The following PPFIA2 variants were observed in gnomAD, a reference collection of about 807,000 sequenced individuals.
The protein encoded by PPFIA2 is PPFI scaffold protein A2.
Under a neutral mutation model 175.5 loss-of-function variants are expected in PPFIA2, and 46 were observed. The observed-to-expected ratio is 0.26, with a 90% CI of 0.21 to 0.34. The LOEUF (loss-of-function observed/expected upper bound fraction) is 0.34, where lower values mean the gene tolerates loss of function less well. PPFIA2 is among the 10% of genes least tolerant of loss of function. The pLI, the probability that PPFIA2 is intolerant of heterozygous loss-of-function variation, is 1.00. For synonymous variants in PPFIA2, 568 were observed against 511.4 expected (o/e 1.11, Z -1.49); for missense variants, 1,179 against 1,506.1 (o/e 0.78, Z 3.60).
chr12:81,481,462 G>T (rs2058211779), intron 4 of PPFIA2, among the ~76,000 whole-genome samples: 2 of 151,942 alleles, frequency 1.3e-5, no homozygotes, highest in Non-Finnish European at 2.9e-5. Context: ...GAACAAAGCT[G>T]GACACATCAT....
chr12:81,615,930 G>A (rs965525078), intron 4 of PPFIA2, among the ~76,000 whole-genome samples: 4 of 152,138 alleles, frequency 2.6e-5, no homozygotes, highest in Admixed American at 2.6e-4. Flanking sequence ...ATGTCCTTGA[G>A]TAGATGAGAA....
chr12:81,490,395 A>G (rs1593862643), intron 4 of PPFIA2, among the ~76,000 whole-genome samples: 2 of 152,038 alleles, frequency 1.3e-5, no homozygotes, highest in Admixed American at 1.3e-4. Flanking sequence ...GCAGGCTGTC[A>G]GCATCATGTT....
chr12:81,278,344 C>A (rs975769566), intron 27 of PPFIA2, among the ~76,000 whole-genome samples: 8 of 151,910 alleles, frequency 5.3e-5, no homozygotes, highest in Admixed American at 2.6e-4. Context: ...AGTTCGAGAC[C>A]AGCTTGGTCA....
At chr12:81,493,149 T>C (rs1348613894) in intron 4 of PPFIA2, among the ~76,000 whole-genome samples, 1 of 152,082 alleles carries the variant, frequency 6.6e-6, no homozygotes, top group Non-Finnish European at 1.5e-5. Context: ...ATGCGTTAAA[T>C]TGAGATGTCA....
intron 14 of PPFIA2, among the ~76,000 whole-genome samples, chr12:81,363,170 C>T (rs1481623707): frequency 6.6e-6 from 1 of 151,230 alleles, no homozygotes; most frequent in East Asian, 2.0e-4. Context: ...GGTTAAAGGA[C>T]ATATGGGTGA....
chr12:81,328,361 GTGCC>G (rs1206706078), intron 21 of PPFIA2, among the ~76,000 whole-genome samples: 1 of 152,168 alleles, frequency 6.6e-6, no homozygotes, highest in Non-Finnish European at 1.5e-5. Flanking sequence ...CTCTTGAAAT[GTGCC>G]TAATTCAGAT....
chr12:81,460,072 T>C (rs1282440911), intron 4 of PPFIA2, among the ~76,000 whole-genome samples: 1 of 152,104 alleles, frequency 6.6e-6, no homozygotes, highest in Non-Finnish European at 1.5e-5. Flanking sequence ...GGTACCCTTT[T>C]TCCTTATCTG....
intron 4 of PPFIA2, among the ~76,000 whole-genome samples, chr12:81,508,590 CT>C (rs111733277): frequency 0.075 from 9,936 of 132,088 alleles, 495 homozygotes; most frequent in East Asian, 0.22. Flanking sequence ...AGTTTACTTT[CT>C]TTTTTTTTCT....
At chr12:81,743,429 A>AAAC (rs2082595614) in intron 3 of PPFIA2, among the ~76,000 whole-genome samples, 1 of 149,892 alleles carries the variant, frequency 6.7e-6, no homozygotes, top group Non-Finnish European at 1.5e-5. Context: ...AAAAAAAAAA[A>AAAC]AAAAAAAAAA....
At chr12:81,329,257 T>C (rs1594892490) in intron 21 of PPFIA2, among the ~76,000 whole-genome samples, 1 of 152,128 alleles carries the variant, frequency 6.6e-6, no homozygotes, top group African/African-American at 2.4e-5. Context: ...TGCTTGGGCT[T>C]GAAGGTTTGA....
chr12:81,411,269 G>A (rs1566707851), intron 7 of PPFIA2, among the ~76,000 whole-genome samples: 1 of 152,024 alleles, frequency 6.6e-6, no homozygotes, highest in Non-Finnish European at 1.5e-5. Context: ...GGAAAAAGTT[G>A]GAGGAATGAT....
chr12:81,512,776 A>G (rs2061953830), intron 4 of PPFIA2, among the ~76,000 whole-genome samples: 2 of 152,070 alleles, frequency 1.3e-5, no homozygotes, highest in Admixed American at 1.3e-4. Context: ...TTATAAATAA[A>G]TGAGAACAAA....
chr12:81,312,481 A>G, intron 22 of PPFIA2: 1 of 351,208 alleles, frequency 2.8e-6, no homozygotes, highest in Non-Finnish European at 5.1e-6. Context: ...GGAAATCAAG[A>G]AATCTTGGTA....
chr12:81,444,701 G>A (rs1484551949), intron 6 of PPFIA2, among the ~76,000 whole-genome samples: 1 of 151,908 alleles, frequency 6.6e-6, no homozygotes, highest in Non-Finnish European at 1.5e-5. Flanking sequence ...ATATTAAATA[G>A]AACAAAAATA....
At chr12:81,675,838 C>T (rs1248729865) in intron 4 of PPFIA2, among the ~76,000 whole-genome samples, 1 of 151,972 alleles carries the variant, frequency 6.6e-6, no homozygotes, top group Non-Finnish European at 1.5e-5. Flanking sequence ...ATACATTTTT[C>T]CACATAAATA....
intron 28 of PPFIA2, among the ~76,000 whole-genome samples, chr12:81,273,127 A>G (rs1006864886): frequency 8.6e-5 from 13 of 151,956 alleles, no homozygotes; most frequent in African/African-American, 2.9e-4. Context: ...CTCTTTCTAG[A>G]TTTATTACCC....
intron 4 of PPFIA2, among the ~76,000 whole-genome samples, chr12:81,486,157 A>C (rs1170663788): frequency 6.6e-6 from 1 of 151,902 alleles, no homozygotes; most frequent in Non-Finnish European, 1.5e-5. Context: ...AATATGTATC[A>C]GCTTATTGAC....
intron 4 of PPFIA2, among the ~76,000 whole-genome samples, chr12:81,579,098 CA>C (rs1037960757): frequency 6.6e-6 from 1 of 151,656 alleles, no homozygotes; most frequent in African/African-American, 2.4e-5. Flanking sequence ...TGGTCATAAG[CA>C]AGTGCTTTCT....
chr12:81,430,812 TC>T (rs2047973943), intron 7 of PPFIA2: 1 of 152,174 alleles, frequency 6.6e-6, no homozygotes, highest in Non-Finnish European at 1.5e-5. Flanking sequence ...ATGGCTATGA[TC>T]CATGGGCCTG....
Sources: allele counts gnomAD v4.1 joint callset (sites outside exome capture counted in the v4.1 genomes callset), GRCh38; gene constraint gnomAD v4.1.1; transcripts MANE v1.5; gene names NCBI Gene and HGNC (gene_info 2026-07-23, HGNC 2026-07-21).